Variants in PPOX observed in about 807,000 individuals in gnomAD.
The protein encoded by PPOX is variegate porphyria.
A neutral mutation model predicts 54.1 loss-of-function variants in PPOX; 23 were observed. The observed-to-expected ratio is 0.43, with a 90% confidence interval of 0.31 to 0.60. PPOX has a LOEUF of 0.60. PPOX is among the 20% of genes least tolerant of loss of function. The probability of loss-of-function intolerance (pLI) is 0.13; values close to 1 mark genes in which losing one functional copy is unlikely to be tolerated. For missense variants in PPOX, 512 were observed against 601.1 expected (o/e 0.85, Z 1.55); for synonymous variants, 224 against 236.1 (o/e 0.95, Z 0.47).
downstream of PPOX, among the ~76,000 whole-genome samples, chr1:161,172,990 G>A (rs900705254): frequency 3.3e-5 from 5 of 152,104 alleles, no homozygotes; most frequent in African/African-American, 1.2e-4. Flanking sequence ...GCCTGGGAAG[G>A]AACTAGAAGA....
downstream of PPOX, chr1:161,175,699 C>G (rs1663239391): frequency 2.0e-6 from 3 of 1,495,946 alleles, no homozygotes; most frequent in Non-Finnish European, 2.7e-6. Context: ...CTCAGCCTAC[C>G]TATCCTCTTC....
Position 161,169,643 on chromosome 1 carries a change from T to C in PPOX, c.808-17T>C, listed in dbSNP as rs771292686. ...ATTCTCATTTTCTGGGTCTCTCAAA[T>C]GTTTTCATGCTCTCAGGTATCTCTA... On this transcript the variant is annotated splice_polypyrimidine_tract_variant and intron_variant, in intron 7 of 12. Transcript: ENST00000367999. The C allele has an allele frequency of 6.2e-7, 1 of 1,613,312 alleles. No homozygotes were observed. Among genetic ancestry groups the C allele is most frequent in the South Asian group, 1.1e-5 (1 of 91,060 alleles).
chr1:161,171,525 G>T (rs1661429587), downstream of PPOX: 2 of 580,092 alleles, frequency 3.4e-6, no homozygotes, highest in South Asian at 4.1e-5. Context: ...AGGGGCTTGG[G>T]GTCCAGCCCT....
chr1:161,170,555 A>G (rs771762497), intron 10 of PPOX, 36 bp downstream of exon 10: 2 of 1,614,066 alleles, frequency 1.2e-6, no homozygotes, highest in African/African-American at 1.3e-5. Context: ...TGGCATTTCC[A>G]GAGGGCTCCT....
At chr1:161,173,762 T>C (rs753914305), downstream of PPOX, 19 of 1,613,434 alleles carry the variant, frequency 1.2e-5, no homozygotes, top group South Asian at 2.1e-4. Flanking sequence ...ACCCCGAGTC[T>C]TCTGGGGACA....
At position 161,166,635 on chromosome 1, in the gene PPOX, CCTT is replaced by C. The variant is rs1450912806; in HGVS notation, c.-43_-41del. 4.8e-6 allele frequency: 7 copies of C among 1,467,336 alleles called. No individual in the cohort carries two copies. The highest frequency in any genetic ancestry group is 5.0e-5 in the East Asian group (2 of 40,202). 90.9% of individuals were successfully genotyped at this position (1,467,336 alleles called of 1,614,324 possible). On this transcript the variant is annotated 5_prime_UTR_variant, in exon 1 of 13. Transcript: ENST00000367999. ...GGGTACGGTCTTAGGACCTCGATCT[CCTT>C]CTCCCTCATTTTCTCTCATCCCTAC...
At chr1:161,169,844 C>G in intron 8 of PPOX, 62 bp from the exon 9 acceptor site, 1 of 1,614,074 alleles carries the variant, frequency 6.2e-7, no homozygotes, top group South Asian at 1.1e-5. Context: ...AGTCTAATCC[C>G]AAAGAGGACT....
At chr1:161,167,572 T>TTTC in intron 4 of PPOX, 86 bp downstream of exon 4, 1 of 1,403,832 alleles carries the variant, frequency 7.1e-7, no homozygotes, top group East Asian at 2.5e-5. Flanking sequence ...TTTTTTTTTT[T>TTTC]TTTTTTTTTT....
In PPOX at chr1:161,166,927, C is replaced by T; in HGVS notation, c.80C>T (p.Pro27Leu). The change falls in exon 2 of 13, where the codon CCC (proline) becomes CTC (leucine). Residue 27 changes from proline to leucine, a missense_variant. Physicochemically the swap from Pro to Leu is moderately conservative, Grantham distance 98. Coordinates refer to ENST00000367999, the MANE Select transcript of PPOX (RefSeq NM_001122764.3). ...TACCACCTGAGCCGGGCCCCCTGCC[C>T]CCCTAAGGTGAGTGCTCCACTTGTG... ...ASYHLSRAPCPPKVVLVESSE... is the reference protein window; with the variant it reads ...ASYHLSRAPCLPKVVLVESSE... 1 of 1,613,994 alleles carries T rather than the reference C, an allele frequency of 6.2e-7. No homozygotes were observed. The highest frequency in any genetic ancestry group is 1.1e-5 in the South Asian group (1 of 91,084).
In PPOX at chr1:161,167,499, C is replaced by T. The variant is rs1558022309; in HGVS notation, c.338+13C>T. The T allele has an allele frequency of 6.2e-6, 10 of 1,610,984 alleles. No homozygotes were observed. Among genetic ancestry groups the T allele is most frequent in the Non-Finnish European group, 7.6e-6 (9 of 1,179,534 alleles). ...CCACTGGCCTCAGGTAACACCAGCA[C>T]CTCCGCTCCTTTTACTGTGCCCTCA... On this transcript the variant is annotated intron_variant, in intron 4 of 12. Transcript: ENST00000367999.
chr1:161,176,916 G>A (rs1434797742), exon 5 of PPOX: 5 of 1,536,226 alleles, frequency 3.3e-6, no homozygotes, highest in Non-Finnish European at 4.4e-6. Flanking sequence ...GAGTACCCAG[G>A]GCGAAGTAGG....
chr1:161,170,971 G>A (rs1351549482), intron 12 of PPOX, 22 bp downstream of exon 12: 1 of 1,614,114 alleles, frequency 6.2e-7, no homozygotes, highest in Admixed American at 1.7e-5. Context: ...AAACAGCTGG[G>A]CTGAGGAGGG....
chr1:161,170,320 G>GGGGGGGGCCCCCC (rs1660783357), intron 9 of PPOX, 89 bp from the exon 10 acceptor site: 10 of 494,776 alleles, frequency 2.0e-5, no homozygotes, highest in Non-Finnish European at 2.8e-5. Context: ...GTGAGACTCT[G>GGGGGGGGCCCCCC]TCCCCCCCAC....
chr1:161,175,186 G>A, downstream of PPOX: 1 of 1,613,698 alleles, frequency 6.2e-7, no homozygotes, highest in South Asian at 1.1e-5. Context: ...CACAATCTCT[G>A]CCAGTGATGG....
downstream of PPOX, chr1:161,171,660 G>A (rs1443015636): frequency 9.3e-7 from 1 of 1,074,058 alleles, no homozygotes; most frequent in Non-Finnish European, 1.3e-6. Context: ...CAGGAGCCCA[G>A]CTCCAGTCCA....
chr1:161,171,860 G>A, downstream of PPOX: 1 of 1,614,186 alleles, frequency 6.2e-7, no homozygotes, highest in Non-Finnish European at 8.5e-7. Flanking sequence ...GTAGATAGAG[G>A]CCCAGGCCTG....
At chr1:161,174,418 GAAA>G (rs925363770), downstream of PPOX, among the ~76,000 whole-genome samples, 2 of 148,818 alleles carry the variant, frequency 1.3e-5, no homozygotes, top group Non-Finnish European at 3.0e-5. Flanking sequence ...AAAAAAAAAA[GAAA>G]AAAAAGAATA....
chr1:161,173,776 C>T (rs1558050258), downstream of PPOX: 2 of 1,612,352 alleles, frequency 1.2e-6, no homozygotes, highest in South Asian at 1.1e-5. Flanking sequence ...GGGGACACAT[C>T]CCCAACCACA....
downstream of PPOX, chr1:161,176,021 G>A: frequency 6.2e-7 from 1 of 1,614,164 alleles, no homozygotes; most frequent in South Asian, 1.1e-5. Context: ...CCCACAAGCA[G>A]GGCCAGCGTG....
Sources: allele counts gnomAD v4.1 joint callset (sites outside exome capture counted in the v4.1 genomes callset), GRCh38; gene constraint gnomAD v4.1.1; transcripts MANE v1.5; gene names NCBI Gene and HGNC (gene_info 2026-07-23, HGNC 2026-07-21).